UNC79: variants seen among roughly 807,000 people sequenced by gnomAD.
UNC79 encodes protein unc-79 homolog.
A neutral mutation model predicts 283.1 loss-of-function variants in UNC79; 37 were observed. The observed-to-expected ratio is 0.13, with a 90% CI of 0.10 to 0.17. The LOEUF is 0.17. Among genes scored for constraint, UNC79 ranks in the 10% least tolerant of loss-of-function variants. The probability of loss-of-function intolerance (pLI) is 1.00; values close to 1 mark genes in which losing one functional copy is unlikely to be tolerated. For synonymous variants in UNC79, 1,107 were observed against 1,200.2 expected (o/e 0.92, Z 1.61); for missense variants, 2,272 against 3,211.1 (o/e 0.71, Z 7.07).
At chr14:93,580,192 G>A in exon 19 of UNC79, 1 of 1,614,028 alleles carries the variant, frequency 6.2e-7, no homozygotes, top group Non-Finnish European at 8.5e-7. Context: ...TTAGAGCACA[G>A]CTTATCAAAG....
intron 14 of UNC79, among the ~76,000 whole-genome samples, chr14:93,566,490 C>T (rs1022420288): frequency 1.3e-5 from 2 of 151,996 alleles, no homozygotes; most frequent in Non-Finnish European, 2.9e-5. Context: ...TCAGCATAGC[C>T]GGTTGTGATG....
intron 1 of UNC79, among the ~76,000 whole-genome samples, chr14:93,411,709 GTC>G (rs1307491644): frequency 1.3e-5 from 2 of 152,226 alleles, no homozygotes; most frequent in Non-Finnish European, 2.9e-5. Context: ...ACCTGTATGA[GTC>G]TGTGAGAACC....
At chr14:93,652,933 TG>T (rs770095441) in intron 35 of UNC79, among the ~76,000 whole-genome samples, 72 of 152,334 alleles carry the variant, frequency 4.7e-4, no homozygotes, top group Non-Finnish European at 3.5e-4. Context: ...CTGAAGTTAT[TG>T]TAAGTTCGGC....
chr14:93,706,110 T>C (rs1455203881), intron 48 of UNC79, among the ~76,000 whole-genome samples: 2 of 152,210 alleles, frequency 1.3e-5, no homozygotes, highest in Non-Finnish European at 2.9e-5. Flanking sequence ...ATTGCCCAGA[T>C]GGCCAGGAGC....
At chr14:93,476,970 T>C (rs1566971593) in intron 3 of UNC79, among the ~76,000 whole-genome samples, 2 of 152,194 alleles carry the variant, frequency 1.3e-5, no homozygotes. Flanking sequence ...GTAGGTATTG[T>C]TATGATCCCT....
intron 48 of UNC79, among the ~76,000 whole-genome samples, chr14:93,706,209 T>G (rs2075869300): frequency 6.6e-6 from 1 of 152,174 alleles, no homozygotes; most frequent in Non-Finnish European, 1.5e-5. Context: ...TCTGAGCACT[T>G]TTTTAACCCA....
chr14:93,640,146 C>T (rs902530243), intron 32 of UNC79, among the ~76,000 whole-genome samples: 14 of 152,156 alleles, frequency 9.2e-5, no homozygotes, highest in Non-Finnish European at 2.1e-4. Flanking sequence ...TAATGGAGAA[C>T]AGCTTCCTGA....
chr14:93,492,271 A>G (rs1168694952), intron 5 of UNC79, among the ~76,000 whole-genome samples: 3 of 152,132 alleles, frequency 2.0e-5, no homozygotes, highest in African/African-American at 7.2e-5. Flanking sequence ...TTAATTTATC[A>G]GAAGGAGGGA....
chr14:93,453,267 T>C (rs2140179745), intron 1 of UNC79, among the ~76,000 whole-genome samples: 1 of 152,316 alleles, frequency 6.6e-6, no homozygotes, highest in Middle Eastern at 3.4e-3. Flanking sequence ...GCCACATTGA[T>C]TGGATAGGTG....
chr14:93,501,768 GGTTT>G (rs753885934), intron 7 of UNC79, among the ~76,000 whole-genome samples: 2 of 151,962 alleles, frequency 1.3e-5, no homozygotes, highest in South Asian at 2.1e-4. Context: ...TTAACATTTT[GGTTT>G]ATTTACAGGT....
At chr14:93,496,967 A>G (rs1374427446) in intron 6 of UNC79, among the ~76,000 whole-genome samples, 190 bp from the exon 7 acceptor site, 1 of 152,210 alleles carries the variant, frequency 6.6e-6, no homozygotes, top group Non-Finnish European at 1.5e-5. Context: ...AGGATCAGTA[A>G]ATAAATAAAT....
rs543034264 is a variant in UNC79 at position 93,641,757 on chromosome 14, A to G, written c.5903+510A>G. 3.3e-5 allele frequency among the ~76,000 whole-genome samples: 5 copies of G among 152,356 alleles called. No homozygotes were observed. The East Asian group carries it at 9.6e-4, about 29-fold the overall frequency. ...AAGTGACCTGATTGATAAATTAGGT[A>G]GATGATATGGTTTGGCTATGTTCCC... On this transcript the variant is annotated intron_variant, in intron 33 of 48. Coordinates refer to ENST00000555664, the Ensembl canonical transcript of UNC79.
intron 40 of UNC79, among the ~76,000 whole-genome samples, chr14:93,672,072 G>C (rs1162024685): frequency 6.6e-6 from 1 of 152,176 alleles, no homozygotes; most frequent in East Asian, 1.9e-4. Context: ...GGGAACTCTT[G>C]CGCCCTGTTG....
At chr14:93,548,322 C>G (rs537521709) in intron 14 of UNC79, among the ~76,000 whole-genome samples, 2 of 152,266 alleles carry the variant, frequency 1.3e-5, no homozygotes, top group African/African-American at 4.8e-5. Flanking sequence ...AGGCTCTGTT[C>G]TCATGATCTA....
chr14:93,410,272 C>T (rs975072096), intron 1 of UNC79, among the ~76,000 whole-genome samples: 1 of 152,206 alleles, frequency 6.6e-6, no homozygotes, highest in Non-Finnish European at 1.5e-5. Context: ...TTTAAACCAG[C>T]CCTAGCCAGA....
At chr14:93,590,281 G>C (rs1029877062) in intron 22 of UNC79, among the ~76,000 whole-genome samples, 67 of 152,310 alleles carry the variant, frequency 4.4e-4, no homozygotes, top group African/African-American at 1.6e-3. Flanking sequence ...CATGAGAAAG[G>C]TGGAGGATCT....
At chr14:93,703,542 C>G (rs902449171) in intron 47 of UNC79, among the ~76,000 whole-genome samples, 1 of 152,218 alleles carries the variant, frequency 6.6e-6, no homozygotes, top group Non-Finnish European at 1.5e-5. Flanking sequence ...TCACCCTACT[C>G]AAGTATGACC....
At chr14:93,518,295 T>A (rs563660934) in intron 7 of UNC79, among the ~76,000 whole-genome samples, 1 of 151,980 alleles carries the variant, frequency 6.6e-6, no homozygotes, top group South Asian at 2.1e-4. Context: ...GGGTTTTTTT[T>A]ACTTTTATTG....
intron 1 of UNC79, among the ~76,000 whole-genome samples, chr14:93,460,613 T>G (rs10131718): frequency 0.71 from 107,166 of 152,000 alleles, 38,218 homozygotes; most frequent in Middle Eastern, 0.78. Flanking sequence ...ATGTAAACAG[T>G]TACTGTCTTT....
Sources: allele counts gnomAD v4.1 joint callset (sites outside exome capture counted in the v4.1 genomes callset), GRCh38; gene constraint gnomAD v4.1.1; transcripts MANE v1.5; gene names NCBI Gene and HGNC (gene_info 2026-07-23, HGNC 2026-07-21).